Variants in ZNF804A observed in about 807,000 individuals in gnomAD.
ZNF804A encodes the protein zinc finger protein 804A.
A neutral mutation model predicts 16.5 loss-of-function variants in ZNF804A; 2 were observed. The observed-to-expected ratio is 0.12, with a 90% CI of 0.05 to 0.38. ZNF804A has a LOEUF of 0.38. ZNF804A is among the 10% of genes least tolerant of loss of function. The pLI is 0.99. For missense variants in ZNF804A, 1,473 were observed against 1,390.7 expected (o/e 1.06, Z -0.94); for synonymous variants, 534 against 489.6 (o/e 1.09, Z -1.20).
chr2:184,683,215 A>T (rs767719407), intron 1 of ZNF804A, among the ~76,000 whole-genome samples: 1 of 152,192 alleles, frequency 6.6e-6, no homozygotes, highest in Non-Finnish European at 1.5e-5. Context: ...TGAACAATTC[A>T]ATGTCTACTT....
intron 1 of ZNF804A, among the ~76,000 whole-genome samples, chr2:184,807,604 G>A (rs1694828450): frequency 6.6e-6 from 1 of 151,750 alleles, no homozygotes; most frequent in Non-Finnish European, 1.5e-5. Flanking sequence ...AGAAAATGCT[G>A]TTTTAAAAAA....
intron 1 of ZNF804A, among the ~76,000 whole-genome samples, chr2:184,794,980 T>C: frequency 6.6e-6 from 1 of 152,128 alleles, no homozygotes; most frequent in Non-Finnish European, 1.5e-5. Flanking sequence ...AGTGGGGGAC[T>C]TCAGTACTCC....
At chr2:184,739,749 A>G (rs1267820891) in intron 1 of ZNF804A, among the ~76,000 whole-genome samples, 1 of 152,100 alleles carries the variant, frequency 6.6e-6, no homozygotes, top group Non-Finnish European at 1.5e-5. Context: ...GCTTACCTCC[A>G]TACACAACCA....
chr2:184,752,944 T>C (rs1437448573), intron 1 of ZNF804A, among the ~76,000 whole-genome samples: 1 of 151,592 alleles, frequency 6.6e-6, no homozygotes, highest in Non-Finnish European at 1.5e-5. Flanking sequence ...AACATAGATA[T>C]TATAATTAAA....
chr2:184,649,159 G>A lies in ZNF804A; in HGVS notation c.111+50089G>A, dbSNP rs148306393. Among the ~76,000 whole-genome samples, 956 of 151,998 alleles carry A rather than the reference G, an allele frequency of 6.3e-3. 8 individuals are homozygous for A. Among genetic ancestry groups the A allele is most frequent in the African/African-American group, 0.019 (806 of 41,480 alleles). On this transcript the variant is annotated intron_variant, in intron 1 of 3. Coordinates refer to ENST00000302277, the MANE Select transcript of ZNF804A (RefSeq NM_194250.2). ...AAACCGTGAAATTACATAGAAATTC[G>A]ACAACTTGATTGTAAGTGACATTTG...
At chr2:184,923,164 G>T (rs1298086235) in intron 2 of ZNF804A, among the ~76,000 whole-genome samples, 1 of 151,758 alleles carries the variant, frequency 6.6e-6, no homozygotes, top group Non-Finnish European at 1.5e-5. Flanking sequence ...TAACAATATT[G>T]GTTCTTTCAA....
At position 184,759,614 on chromosome 2, in the gene ZNF804A, C is replaced by T. The variant is rs140966099; in HGVS notation, c.112-106755C>T. Among the ~76,000 whole-genome samples the T allele has an allele frequency of 6.3e-4, 96 of 151,956 alleles. 1 individual carries two copies. In the South Asian group the frequency reaches 0.012, roughly 20 times the overall value. On this transcript the variant is annotated intron_variant, in intron 1 of 3. Coordinates refer to ENST00000302277, the MANE Select transcript of ZNF804A (RefSeq NM_194250.2). ...TAAGGATAGCAATTGATTTTTTTAA[C>T]TTTAGGAATGATATTATTGTCAGGC...
intron 1 of ZNF804A, among the ~76,000 whole-genome samples, chr2:184,603,496 A>AT (rs1691082662): frequency 6.6e-6 from 1 of 152,120 alleles, no homozygotes; most frequent in Non-Finnish European, 1.5e-5. Flanking sequence ...AATATAACTT[A>AT]TTTTTCATAT....
At chr2:184,838,220 A>G (rs147717346) in intron 1 of ZNF804A, among the ~76,000 whole-genome samples, 5 of 152,140 alleles carry the variant, frequency 3.3e-5, no homozygotes, top group Non-Finnish European at 7.4e-5. Context: ...GTTCATTTTT[A>G]TTATTAGAAC....
chr2:184,798,011 TG>T, intron 1 of ZNF804A, among the ~76,000 whole-genome samples: 1 of 113,598 alleles, frequency 8.8e-6, no homozygotes, highest in African/African-American at 3.7e-5. Context: ...GATATATGTG[TG>T]TGTGTGTGTG....
intron 1 of ZNF804A, among the ~76,000 whole-genome samples, chr2:184,701,421 GAATA>G (rs1214972866): frequency 2.0e-5 from 3 of 151,862 alleles, no homozygotes; most frequent in Non-Finnish European, 4.4e-5. Context: ...AAAATAATTT[GAATA>G]TATACCTTCT....
intron 1 of ZNF804A, among the ~76,000 whole-genome samples, chr2:184,807,267 G>A (rs1694822141): frequency 6.6e-6 from 1 of 151,748 alleles, no homozygotes; most frequent in Non-Finnish European, 1.5e-5. Flanking sequence ...TTACATTTAA[G>A]GTAGTTATTA....
chr2:184,680,685 C>T (rs532002878), intron 1 of ZNF804A, among the ~76,000 whole-genome samples: 1 of 152,366 alleles, frequency 6.6e-6, no homozygotes, highest in South Asian at 2.1e-4. Context: ...TGTCCATGTT[C>T]CTCATTATTC....
intron 2 of ZNF804A, among the ~76,000 whole-genome samples, chr2:184,930,045 T>C (rs17431776): frequency 0.054 from 8,155 of 152,184 alleles, 266 homozygotes; most frequent in Middle Eastern, 0.082. Context: ...TATACACTCA[T>C]AGAAACACAC....
intron 1 of ZNF804A, among the ~76,000 whole-genome samples, chr2:184,754,606 CGAATT>C (rs1372136086): frequency 1.3e-5 from 2 of 151,648 alleles, no homozygotes; most frequent in Non-Finnish European, 2.9e-5. Context: ...GTAAATATCT[CGAATT>C]GAAACACATC....
intron 2 of ZNF804A, among the ~76,000 whole-genome samples, chr2:184,904,061 T>C (rs1488183298): frequency 6.6e-6 from 1 of 152,056 alleles, no homozygotes; most frequent in Non-Finnish European, 1.5e-5. Flanking sequence ...ATTAGTTGTG[T>C]TTCTACATGC....
At chr2:184,670,052 T>C (rs1653063960) in intron 1 of ZNF804A, among the ~76,000 whole-genome samples, 1 of 152,150 alleles carries the variant, frequency 6.6e-6, no homozygotes, top group South Asian at 2.1e-4. Context: ...AGTGTTAAAA[T>C]TCTAGCTTAA....
intron 1 of ZNF804A, among the ~76,000 whole-genome samples, chr2:184,658,605 A>T (rs548435282): frequency 6.6e-6 from 1 of 152,248 alleles, no homozygotes; most frequent in Admixed American, 6.5e-5. Context: ...AGAACTGGGG[A>T]TGGTTGGTTG....
At chr2:184,768,605 AT>A (rs930557919) in intron 1 of ZNF804A, among the ~76,000 whole-genome samples, 18 of 151,962 alleles carry the variant, frequency 1.2e-4, no homozygotes, top group Non-Finnish European at 2.5e-4. Context: ...GAAATACAGT[AT>A]TTTTAAGAAT....
Sources: allele counts gnomAD v4.1 joint callset (sites outside exome capture counted in the v4.1 genomes callset), GRCh38; gene constraint gnomAD v4.1.1; transcripts MANE v1.5; gene names NCBI Gene and HGNC (gene_info 2026-07-23, HGNC 2026-07-21).